Variants in FGF13 observed in about 807,000 individuals in gnomAD.
FGF13 encodes fibroblast growth factor 13, also known as fibroblast growth factor homologous factor 2.
In FGF13, 2 loss-of-function variants were observed where a neutral mutation model predicts 19.5. The observed-to-expected ratio is 0.10, with a 90% CI of 0.04 to 0.32. FGF13 has a LOEUF of 0.32. Among genes scored for constraint, FGF13 ranks in the 10% least tolerant of loss-of-function variants. The pLI is 1.00. For missense variants in FGF13, 113 were observed against 192.7 expected (o/e 0.59, Z 2.45); for synonymous variants, 72 against 76.9 (o/e 0.94, Z 0.33).
chrX:138,982,030 G>A (rs1215808304), intron 1 of FGF13, among the ~76,000 whole-genome samples: 7 of 111,764 alleles, frequency 6.3e-5, no homozygotes, highest in Non-Finnish European at 1.3e-4. Context: ...CATGAGGATA[G>A]AAGTATAACT....
chrX:138,790,072 A>C (rs1413117938), intron 3 of FGF13, among the ~76,000 whole-genome samples: 7 of 92,002 alleles, frequency 7.6e-5, no homozygotes, highest in African/African-American at 2.8e-4. Flanking sequence ...AAAAAAAAAC[A>C]AACACACACA....
intron 1 of FGF13, among the ~76,000 whole-genome samples, chrX:139,150,553 T>C (rs2083926617): frequency 9.0e-6 from 1 of 111,554 alleles, no homozygotes; most frequent in Admixed American, 9.6e-5. Flanking sequence ...TGAATCTTCT[T>C]TTTCCTGTTA....
At chrX:139,195,332 AC>A in intron 1 of FGF13, among the ~76,000 whole-genome samples, 2 of 111,374 alleles carry the variant, frequency 1.8e-5, no homozygotes, top group Non-Finnish European at 3.8e-5. Flanking sequence ...TGTTCAATAA[AC>A]CCCCCAAGGG....
At chrX:138,834,608 C>T (rs1453427263) in intron 3 of FGF13, among the ~76,000 whole-genome samples, 4 of 108,889 alleles carry the variant, frequency 3.7e-5, no homozygotes, top group African/African-American at 1.0e-4. Context: ...AACAAAACAG[C>T]TCCTGGATGG....
At chrX:138,847,702 T>A in intron 3 of FGF13, among the ~76,000 whole-genome samples, 1 of 112,267 alleles carries the variant, frequency 8.9e-6, no homozygotes, top group Middle Eastern at 4.6e-3. Context: ...TCCACGTAGT[T>A]TAAAATGCTA....
intron 3 of FGF13, among the ~76,000 whole-genome samples, chrX:138,658,763 A>G (rs2089460356): frequency 1.8e-5 from 2 of 111,791 alleles, no homozygotes; most frequent in Admixed American, 1.9e-4. Flanking sequence ...TACAACAGAA[A>G]GAATGATACT....
intron 4 of FGF13, among the ~76,000 whole-genome samples, chrX:138,634,063 C>T (rs1181259803): frequency 8.9e-6 from 1 of 112,125 alleles, no homozygotes; most frequent in South Asian, 3.7e-4. Flanking sequence ...TTGTCCCTCA[C>T]CCTTTCTAAT....
chrX:138,904,942 C>T (rs913783296), intron 1 of FGF13, among the ~76,000 whole-genome samples: 7 of 111,985 alleles, frequency 6.3e-5, no homozygotes, highest in East Asian at 2.8e-4. Flanking sequence ...GAGATTTAGT[C>T]GTTACCTGCA....
At chrX:139,047,642 C>T (rs1414062874) in intron 1 of FGF13, among the ~76,000 whole-genome samples, 1 of 111,638 alleles carries the variant, frequency 9.0e-6, no homozygotes, top group Non-Finnish European at 1.9e-5. Flanking sequence ...CCTCAATTTC[C>T]TTATGTGTAA....
At chrX:138,815,312 T>G (rs1252967846) in intron 3 of FGF13, among the ~76,000 whole-genome samples, 1 of 111,090 alleles carries the variant, frequency 9.0e-6, no homozygotes, top group Non-Finnish European at 1.9e-5. Context: ...TAAAAAGTGC[T>G]AAGAAAGTAA....
At chrX:138,736,531 G>C (rs2090275823) in intron 1 of FGF13, among the ~76,000 whole-genome samples, 1 of 110,614 alleles carries the variant, frequency 9.0e-6, no homozygotes, top group African/African-American at 3.3e-5. Flanking sequence ...AGCACTTTGA[G>C]GCACTGCCCA....
chrX:138,821,151 G>A (rs946567375), intron 3 of FGF13, among the ~76,000 whole-genome samples: 1 of 111,250 alleles, frequency 9.0e-6, no homozygotes, highest in African/African-American at 3.3e-5. Context: ...TGTGGTAATA[G>A]GCCAAACAGC....
intron 3 of FGF13, among the ~76,000 whole-genome samples, chrX:138,805,136 T>A (rs749591285): frequency 8.5e-4 from 95 of 111,983 alleles, no homozygotes; most frequent in African/African-American, 2.9e-3. Flanking sequence ...TAAACACAAA[T>A]TTGGAGATGT....
chrX:139,079,615 C>A (rs1014868259), intron 1 of FGF13, among the ~76,000 whole-genome samples: 1 of 110,766 alleles, frequency 9.0e-6, no homozygotes, highest in Non-Finnish European at 1.9e-5. Flanking sequence ...CCCCAACTAG[C>A]AACTAACACA....
intron 3 of FGF13, among the ~76,000 whole-genome samples, chrX:138,802,042 G>A (rs1045860593): frequency 2.7e-5 from 3 of 112,494 alleles, no homozygotes; most frequent in Non-Finnish European, 5.6e-5. Context: ...CCCACTGAGT[G>A]AGACCACTTG....
chrX:138,639,446 A>G (rs1481625309), intron 3 of FGF13, among the ~76,000 whole-genome samples: 1 of 112,229 alleles, frequency 8.9e-6, no homozygotes, highest in African/African-American at 3.2e-5. Flanking sequence ...AAAAGATGTC[A>G]TGCATTCCCT....
At chrX:139,064,281 C>CTTT (rs139084376) in intron 1 of FGF13, among the ~76,000 whole-genome samples, 32 of 23,153 alleles carry the variant, frequency 1.4e-3, no homozygotes, top group Non-Finnish European at 1.7e-3. Flanking sequence ...CTTTTTTTTT[C>CTTT]TTTTTTTTTT....
chrX:138,624,609 G>A lies in FGF13; in HGVS notation c.*8241C>T, dbSNP rs1288614784. On this transcript the variant is annotated 3_prime_UTR_variant, in exon 5 of 5. Coordinates refer to ENST00000315930, the MANE Select transcript of FGF13 (RefSeq NM_004114.5). ...AAAAGTTTCAAAGCCAGGCATGGTG[G>A]CCCATGCCTCTAATCCTAACACTTT... 3 of 112,045 alleles carry A rather than the reference G, an allele frequency of 2.7e-5. No individual in the cohort carries two copies. The highest frequency in any genetic ancestry group is 6.5e-5 in the African/African-American group (2 of 30,816). The allele number at this position is 112,045 out of a possible 1,213,427, so 9.2% of individuals were successfully genotyped here.
chrX:139,102,212 T>G (rs2083520188), intron 1 of FGF13, among the ~76,000 whole-genome samples: 1 of 111,981 alleles, frequency 8.9e-6, no homozygotes, highest in Non-Finnish European at 1.9e-5. Context: ...AAATTTGTGC[T>G]TGGAGACAGA....
Sources: gnomAD v4.1 joint callset for allele counts (sites outside exome capture counted in the v4.1 genomes callset) on GRCh38, gnomAD v4.1.1 for gene constraint, MANE v1.5 for transcripts, NCBI Gene and HGNC (gene_info 2026-07-23, HGNC 2026-07-21) for gene names.